Variants in B3GALT1 observed in about 807,000 individuals in gnomAD.
The protein encoded by B3GALT1 is UDP-Gal:betaGlcNAc beta 1,3-galactosyltransferase, polypeptide 1.
A neutral mutation model predicts 23.2 loss-of-function variants in B3GALT1; 10 were observed. That is an observed-to-expected ratio of 0.43 (90% CI 0.27 to 0.73). The LOEUF (loss-of-function observed/expected upper bound fraction) is 0.73. Ranked by LOEUF, B3GALT1 falls within the 30% of genes least tolerant of loss-of-function variation. The pLI is 0.21. For missense variants in B3GALT1, 299 were observed against 405.4 expected, an observed-to-expected ratio of 0.74 and a Z score of 2.25; for synonymous variants, 156 against 141.5, an observed-to-expected ratio of 1.10 and a Z score of -0.73.
intron 2 of B3GALT1, among the ~76,000 whole-genome samples, chr2:167,618,759 C>T (rs1685206245): frequency 6.6e-6 from 1 of 151,898 alleles, no homozygotes; most frequent in African/African-American, 2.4e-5. Context: ...TAGAATGTCT[C>T]TCAGAGTTAG....
chr2:167,807,722 G>A (rs972018744), intron 3 of B3GALT1, among the ~76,000 whole-genome samples: 1 of 152,182 alleles, frequency 6.6e-6, no homozygotes, highest in African/African-American at 2.4e-5. Context: ...GCTGAGGAGT[G>A]CTTTACTTCC....
At chr2:167,346,057 G>GC (rs1262608385) in intron 1 of B3GALT1, among the ~76,000 whole-genome samples, 1 of 151,268 alleles carries the variant, frequency 6.6e-6, no homozygotes, top group Non-Finnish European at 1.5e-5. Context: ...CTTTCAAAAA[G>GC]CATTCTATGA....
intron 3 of B3GALT1, among the ~76,000 whole-genome samples, chr2:167,744,459 A>T (rs1284641419): frequency 6.6e-6 from 1 of 152,194 alleles, no homozygotes; most frequent in African/African-American, 2.4e-5. Flanking sequence ...TGTAGTGTCC[A>T]TTCCTATTCT....
At chr2:167,648,766 G>T (rs147482440) in intron 3 of B3GALT1, among the ~76,000 whole-genome samples, 1 of 151,984 alleles carries the variant, frequency 6.6e-6, no homozygotes, top group South Asian at 2.1e-4. Flanking sequence ...TATTTCATCC[G>T]GTAGCCCCCA....
chr2:167,594,746 C>T (rs1280107390), intron 2 of B3GALT1, among the ~76,000 whole-genome samples: 1 of 152,022 alleles, frequency 6.6e-6, no homozygotes, highest in East Asian at 1.9e-4. Context: ...AACCCCGTCT[C>T]TATTAAAAAA....
At chr2:167,577,918 A>G (rs1684412828) in intron 2 of B3GALT1, among the ~76,000 whole-genome samples, 1 of 151,946 alleles carries the variant, frequency 6.6e-6, no homozygotes, top group African/African-American at 2.4e-5. Flanking sequence ...CACATGAGAA[A>G]ACTCTGCCCC....
chr2:167,737,504 A>G (rs1302495552), intron 3 of B3GALT1, among the ~76,000 whole-genome samples: 1 of 152,246 alleles, frequency 6.6e-6, no homozygotes, highest in Non-Finnish European at 1.5e-5. Flanking sequence ...GTACAGATAA[A>G]TTGAAGTGTG....
chr2:167,835,731 T>G lies in B3GALT1; in HGVS notation c.-230+16938T>G, dbSNP rs557563158. 4.1e-3 allele frequency among the ~76,000 whole-genome samples: 622 copies of G among 152,324 alleles called. 7 individuals are homozygous for G. Among genetic ancestry groups the G allele is most frequent in the African/African-American group, 0.014 (582 of 41,560 alleles). On this transcript the variant is annotated intron_variant, in intron 4 of 4. Coordinates refer to ENST00000392690, the MANE Select transcript of B3GALT1 (RefSeq NM_020981.4). ...ATCTGAGAACGGGCAGACTGCCTCC[T>G]CAAGTGGGTCCCTGACCCCTGAGCA...
chr2:167,700,442 C>G lies in B3GALT1; in HGVS notation c.-352+53476C>G, dbSNP rs1342913759. Among the ~76,000 whole-genome samples, 3 of 151,962 alleles carry G rather than the reference C, an allele frequency of 2.0e-5. No individual in the cohort carries two copies. In the East Asian group the frequency reaches 5.8e-4, roughly 29 times the overall value. On this transcript the variant is annotated intron_variant, in intron 3 of 4. Transcript: ENST00000392690. ...TTGAAAAACAAAAGGATATGGCCAC[C>G]TATGAAAGAGATAAAAATTTTTGGA...
At chr2:167,813,964 CT>C (rs762510973) in intron 3 of B3GALT1, among the ~76,000 whole-genome samples, 2 of 150,154 alleles carry the variant, frequency 1.3e-5, no homozygotes, top group Non-Finnish European at 3.0e-5. Context: ...TATCTAAAAT[CT>C]TCTCCTACCT....
At chr2:167,469,400 A>G (rs1699393228) in intron 1 of B3GALT1, among the ~76,000 whole-genome samples, 1 of 152,240 alleles carries the variant, frequency 6.6e-6, no homozygotes, top group Non-Finnish European at 1.5e-5. Context: ...AGTGGTATGC[A>G]TTCATTTAGT....
intron 1 of B3GALT1, among the ~76,000 whole-genome samples, chr2:167,398,861 A>G (rs1698141620): frequency 6.6e-6 from 1 of 152,130 alleles, no homozygotes; most frequent in African/African-American, 2.4e-5. Flanking sequence ...CCAGTGTCCT[A>G]TAGAGTGTCT....
intron 2 of B3GALT1, among the ~76,000 whole-genome samples, chr2:167,547,244 T>C (rs756517761): frequency 1.1e-4 from 17 of 152,178 alleles, no homozygotes; most frequent in Non-Finnish European, 2.5e-4. Context: ...ATTTCCCTCT[T>C]GGTCAGCCTG....
intron 4 of B3GALT1, among the ~76,000 whole-genome samples, chr2:167,850,469 G>T (rs532961718): frequency 1.3e-5 from 2 of 152,292 alleles, no homozygotes; most frequent in African/African-American, 4.8e-5. Flanking sequence ...ATATGGCCAC[G>T]ATGGAAAACA....
At chr2:167,446,651 A>G (rs901599018) in intron 1 of B3GALT1, among the ~76,000 whole-genome samples, 3 of 152,138 alleles carry the variant, frequency 2.0e-5, no homozygotes, top group Admixed American at 6.5e-5. Flanking sequence ...CAGTTGATCA[A>G]ATCGGCTACT....
intron 1 of B3GALT1, among the ~76,000 whole-genome samples, chr2:167,434,456 A>T (rs931232623): frequency 1.3e-5 from 2 of 150,122 alleles, no homozygotes; most frequent in Admixed American, 6.7e-5. Context: ...CTTGTAAGCA[A>T]TTCTAAACAC....
intron 3 of B3GALT1, among the ~76,000 whole-genome samples, chr2:167,694,143 C>A (rs938421632): frequency 1.3e-5 from 2 of 152,032 alleles, no homozygotes; most frequent in African/African-American, 4.8e-5. Context: ...CTCCCAGAGG[C>A]CCCCCTCCTA....
At chr2:167,400,350 C>T (rs1263352990) in intron 1 of B3GALT1, among the ~76,000 whole-genome samples, 2 of 152,002 alleles carry the variant, frequency 1.3e-5, no homozygotes, top group Non-Finnish European at 2.9e-5. Flanking sequence ...CCTCTGTCTT[C>T]CTTTTCCTAA....
intron 3 of B3GALT1, among the ~76,000 whole-genome samples, chr2:167,657,394 G>C (rs1685974387): frequency 1.3e-5 from 2 of 152,070 alleles, no homozygotes; most frequent in Non-Finnish European, 2.9e-5. Flanking sequence ...GGGTGTGCTG[G>C]GGAAGGGAAG....
Sources: gnomAD v4.1 joint callset for allele counts (sites outside exome capture counted in the v4.1 genomes callset) on GRCh38, gnomAD v4.1.1 for gene constraint, MANE v1.5 for transcripts, NCBI Gene and HGNC (gene_info 2026-07-23, HGNC 2026-07-21) for gene names.